Variants in DNAH10 observed in about 807,000 individuals in gnomAD.
The protein encoded by DNAH10 is axonemal beta dynein heavy chain 10.
In DNAH10, 348 loss-of-function variants were observed where a neutral mutation model predicts 506.6. The ratio of observed to expected loss-of-function variants is 0.69; its 90% CI spans 0.63 to 0.75. The LOEUF is 0.75. DNAH10 is among the 30% of genes least tolerant of loss of function. The pLI is 0.00. For missense variants in DNAH10, 5,179 were observed against 5,787.1 expected (o/e 0.89, Z 3.41); for synonymous variants, 2,059 against 2,198.6 (o/e 0.94, Z 1.78).
Position 123,844,140 on chromosome 12 carries a change from A to G in DNAH10, c.5361-1460A>G, listed in dbSNP as rs186479097. On this transcript the variant is annotated intron_variant, in intron 30 of 78. Coordinates refer to ENST00000673944, the MANE Select transcript of DNAH10 (RefSeq NM_001372106.1). ...TACCTTTTTCACAAGGTGGCGGGAAAGAGAGAGAGAGAAGGAGGAACTAAC... is the reference window on the plus strand; with the variant it reads ...TACCTTTTTCACAAGGTGGCGGGAAGGAGAGAGAGAGAAGGAGGAACTAAC... Among the ~76,000 whole-genome samples the G allele has an allele frequency of 6.2e-4, 89 of 144,608 alleles. 2 individuals carry two copies. The highest frequency in any genetic ancestry group is 4.8e-3 in the Admixed American group (72 of 14,932). The allele number at this position is 144,608 out of a possible 152,430, so 94.9% of individuals were successfully genotyped here. A position where few individuals can be genotyped will look rare whatever the true frequency, so the allele number is the denominator to read the frequency against.
rs1008355679 is a variant in DNAH10, at chr12:123,780,091, A to G, written c.622-989A>G. On this transcript the variant is annotated intron_variant, in intron 5 of 78. Coordinates refer to ENST00000673944, the MANE Select transcript of DNAH10 (RefSeq NM_001372106.1). ...TCAAGAACAAGATGGTCCTGAGCTG[A>G]TGGTTTAACACAGTTTCTTACCTCC... Among the ~76,000 whole-genome samples, 17 of 66,602 alleles carry G rather than the reference A, an allele frequency of 2.6e-4. No individual in the cohort carries two copies. The East Asian group carries it at 0.089, about 350-fold the overall frequency. 43.7% of individuals were successfully genotyped at this position (66,602 alleles called of 152,430 possible).
At position 123,925,164 on chromosome 12, in the gene DNAH10, C is replaced by T. The variant is rs1405250598; in HGVS notation, c.11881C>T (p.Arg3961Trp). 12 of 1,613,810 alleles carry T rather than the reference C, an allele frequency of 7.4e-6. No individual in the cohort carries two copies. The East Asian group carries it at 1.1e-4, about 15-fold the overall frequency. ...LRCFRVDRVY[R>W]AVTDYVTVTM... ...CTGTTTCCGTGTGGATCGGGTCTAT[C>T]GGGCCGTGACTGACTATGTGACTGT... The change falls in exon 68 of 79, where the codon CGG (arginine) becomes TGG (tryptophan). Residue 3961 changes from arginine to tryptophan, a missense_variant. By Grantham distance (101) the Arg-to-Trp change is moderately radical. Around this residue, in one of 3 missense-constraint regions of DNAH10, gnomAD observed 4,844 missense variants for 5,430.5 expected, o/e 0.89. Transcript: ENST00000673944. The surrounding 1 kb of genome is among the most constrained non-coding windows in gnomAD (Gnocchi z 4.0).
At chr12:123,867,339 C>G in intron 41 of DNAH10, 128 bp from the exon 42 acceptor site, 1 of 1,047,462 alleles carries the variant, frequency 9.5e-7, no homozygotes, top group East Asian at 2.6e-5. Context: ...TCAGGATTTC[C>G]TCACCTGCCA....
Position 123,767,628 on chromosome 12 carries a change from A to T in DNAH10, c.237A>T (p.Glu79Asp), listed in dbSNP as rs1303021896. 5 of 1,612,688 alleles carry T rather than the reference A, an allele frequency of 3.1e-6. No homozygotes were observed. Among genetic ancestry groups the T allele is most frequent in the Non-Finnish European group, 3.4e-6 (4 of 1,179,366 alleles). The change falls in exon 2 of 79, where the codon GAA becomes GAT. Residue 79 changes from glutamate (E) to aspartate (D), a missense_variant. Physicochemically the swap from Glu to Asp is conservative, Grantham distance 45. This residue lies in a region of DNAH10 where 326 missense variants were observed against 330.8 expected (regional missense o/e 0.99). Coordinates refer to ENST00000673944, the MANE Select transcript of DNAH10 (RefSeq NM_001372106.1). ...AAGATGAGATACCTGTCCTGTCTGA[A>T]GAGGGAGAAGAGGAAGAAGAGACTT... Reference protein sequence around the residue: ...VEIDEIPVLSEEGEEEEETYS... With the variant: ...VEIDEIPVLSDEGEEEEETYS...
At chr12:123,871,204 A>AT (rs376214202) in intron 44 of DNAH10, among the ~76,000 whole-genome samples, 4 of 152,222 alleles carry the variant, frequency 2.6e-5, no homozygotes, top group African/African-American at 9.6e-5. Flanking sequence ...ATATCCTGGC[A>AT]TAAGTCAGAA....
Position 123,903,193 on chromosome 12 carries a change from G to A in DNAH10, c.9815+80G>A, listed in dbSNP as rs1953611135. 5 of 1,466,160 alleles carry A rather than the reference G, an allele frequency of 3.4e-6. No individual in the cohort carries two copies. The highest frequency in any genetic ancestry group is 1.8e-4 in the Middle Eastern group (1 of 5,456). 90.8% of individuals were successfully genotyped at this position (1,466,160 alleles called of 1,614,324 possible). The stretch of plus-strand genomic sequence containing the variant: ...GTCTCCATGATCGTGGCAACCAGGA[G>A]CTTACAAAGGAGCCGATGCCACATG... On this transcript the variant is annotated intron_variant, in intron 57 of 78. Coordinates refer to ENST00000673944, the MANE Select transcript of DNAH10 (RefSeq NM_001372106.1). This position sits in a 1 kb window ranked among gnomAD's most constrained non-coding sequence, Gnocchi z 4.6.
intron 16 of DNAH10, among the ~76,000 whole-genome samples, chr12:123,803,285 T>C (rs1042822214): frequency 6.6e-6 from 1 of 152,206 alleles, no homozygotes; most frequent in Non-Finnish European, 1.5e-5. Flanking sequence ...TTACTGTTCA[T>C]GTTCTTGCTG....
chr12:123,781,008 C>A, intron 5 of DNAH10, 72 bp from the exon 6 acceptor site: 9 of 1,134,164 alleles, frequency 7.9e-6, no homozygotes, highest in South Asian at 5.5e-5. Flanking sequence ...TATTCAAAAC[C>A]AGAGGCAATT....
chr12:123,932,480 ATTTT>A (rs11372935), intron 76 of DNAH10: 21 of 153,414 alleles, frequency 1.4e-4, no homozygotes, highest in Middle Eastern at 2.9e-3. Flanking sequence ...GGTGGTTACC[ATTTT>A]TTTTTTTTTT....
rs201523189 is a variant in DNAH10 at position 123,918,699 on chromosome 12, G to A, written c.11256G>A (p.Ala3752=). 30 of 1,563,672 alleles carry A rather than the reference G, an allele frequency of 1.9e-5. No homozygotes were observed. The highest frequency in any genetic ancestry group is 6.8e-5 in the African/African-American group (5 of 73,582). Reference sequence around the variant, plus strand: ...AGGTCTCAGAGAAACTCAAGCTGGCGGAGAAGACAGCCTTGGACATCGACA... The same window carrying A: ...AGGTCTCAGAGAAACTCAAGCTGGCAGAGAAGACAGCCTTGGACATCGACA... ...ATEVSEKLKL[A]EKTALDIDRL... Residue 3752 remains alanine (A), a synonymous_variant, in exon 65 of 79, where the codon GCG becomes GCA. Transcript: ENST00000673944.
intron 28 of DNAH10, 111 bp from the exon 29 acceptor site, chr12:123,838,345 T>G (rs1189071428): frequency 4.4e-6 from 4 of 899,018 alleles, no homozygotes; most frequent in African/African-American, 1.7e-5. Context: ...AGCTTGTCAG[T>G]TTTGTCTCGG....
At position 123,914,483 on chromosome 12, in the gene DNAH10, C is replaced by G; in HGVS notation, c.10507C>G (p.Arg3503Gly). 6.2e-7 allele frequency: 1 copy of G among 1,613,748 alleles called. No individual in the cohort carries two copies. The change falls in exon 61 of 79, where the codon CGG (arginine) becomes GGG (glycine). Residue 3503 changes from arginine (R) to glycine (G), a missense_variant. By Grantham distance (125) the Arg-to-Gly change is moderately radical. Coordinates refer to ENST00000673944, the MANE Select transcript of DNAH10 (RefSeq NM_001372106.1). The part of the protein sequence containing the change: ...NRIWQNDILE[R>G]EIPLSQPFRL... ...GATTTGGCAAAATGACATCCTGGAGCGGGAGATCCCCCTGAGCCAGCCTTT... is the reference window on the plus strand; with the variant it reads ...GATTTGGCAAAATGACATCCTGGAGGGGGAGATCCCCCTGAGCCAGCCTTT...
rs747231749 is a variant in DNAH10, at chr12:123,909,542, G to T, written c.9997+100G>T. 68 of 1,401,510 alleles carry T rather than the reference G, an allele frequency of 4.9e-5. No homozygotes were observed. The highest frequency in any genetic ancestry group is 6.5e-5 in the Non-Finnish European group (68 of 1,053,066). The allele number at this position is 1,401,510 out of a possible 1,614,324, so 86.8% of individuals were successfully genotyped here. A position where few individuals can be genotyped will look rare whatever the true frequency, so the allele number is the denominator to read the frequency against. On this transcript the variant is annotated intron_variant, in intron 58 of 78. Coordinates refer to ENST00000673944, the MANE Select transcript of DNAH10 (RefSeq NM_001372106.1). This position sits in a 1 kb window ranked among gnomAD's most constrained non-coding sequence, Gnocchi z 5.4. ...GGGCAAGGAGGCTTGTCGTGGGCAG[G>T]CCCTCCCCTTCTGGTCAGATGGTAT...
chr12:123,879,754 A>G lies in DNAH10; in HGVS notation c.8587A>G (p.Ile2863Val), dbSNP rs1178615452. 3 of 1,614,046 alleles carry G rather than the reference A, an allele frequency of 1.9e-6. No homozygotes were observed. Among genetic ancestry groups the G allele is most frequent in the South Asian group, 1.1e-5 (1 of 91,086 alleles). The stretch of plus-strand genomic sequence containing the variant: ...GGCTCTGCACGAAGGAGAACCACGC[A>G]TTTATGAAGACATCCAGGACTACGA... ...QMALHEGEPRIYEDIQDYEAA... is the reference protein window; with the variant it reads ...QMALHEGEPRVYEDIQDYEAA... The change falls in exon 50 of 79, where the codon ATT becomes GTT. Residue 2863 changes from isoleucine (I) to valine (V), a missense_variant. This residue lies in a region of DNAH10 where 4,844 missense variants were observed against 5,430.5 expected (regional missense o/e 0.89). Coordinates refer to ENST00000673944, the MANE Select transcript of DNAH10 (RefSeq NM_001372106.1).
At chr12:123,806,129 T>G (rs999143912) in intron 18 of DNAH10, among the ~76,000 whole-genome samples, 1 of 152,168 alleles carries the variant, frequency 6.6e-6, no homozygotes, top group Non-Finnish European at 1.5e-5. Flanking sequence ...CTTGTTTGGT[T>G]TTTAAGTGAT....
chr12:123,931,338 C>T lies in DNAH10; in HGVS notation c.12785-3C>T, dbSNP rs770643937. ...CCACCTCCGTTGTTCTCTGTGATTG[C>T]AGAAGCCATCGAGGCCCTCCCGCTT... On this transcript the variant is annotated splice_polypyrimidine_tract_variant and splice_region_variant and intron_variant, in intron 73 of 78. Coordinates refer to ENST00000673944, the MANE Select transcript of DNAH10 (RefSeq NM_001372106.1). 4 of 1,613,234 alleles carry T rather than the reference C, an allele frequency of 2.5e-6. No individual in the cohort carries two copies. The African/African-American group carries it at 5.3e-5, about 22-fold the overall frequency.
chr12:123,909,542 G>A lies in DNAH10; in HGVS notation c.9997+100G>A, dbSNP rs747231749. ...GGGCAAGGAGGCTTGTCGTGGGCAG[G>A]CCCTCCCCTTCTGGTCAGATGGTAT... is the stretch of plus-strand genomic sequence containing the variant. On this transcript the variant is annotated intron_variant, in intron 58 of 78. Transcript: ENST00000673944. The surrounding 1 kb of genome is among the most constrained non-coding windows in gnomAD (Gnocchi z 5.4). 5.0e-6 allele frequency: 7 copies of A among 1,401,512 alleles called. No individual in the cohort carries two copies. The highest frequency in any genetic ancestry group is 6.6e-6 in the Non-Finnish European group (7 of 1,053,068). 86.8% of individuals were successfully genotyped at this position (1,401,512 alleles called of 1,614,324 possible). A position where few individuals can be genotyped will look rare whatever the true frequency, so the allele number is the denominator to read the frequency against.
chr12:123,799,419 G>T, intron 14 of DNAH10, 48 bp downstream of exon 14: 3 of 1,574,018 alleles, frequency 1.9e-6, no homozygotes, highest in Non-Finnish European at 2.6e-6. Flanking sequence ...AGACGATGGC[G>T]TCTGCCACAT....
Position 123,928,551 on chromosome 12 carries a change from G to GAA in DNAH10, c.12270_12271insAA (p.Gly4091LysfsTer12). The GAA allele has an allele frequency of 6.2e-7, 1 of 1,609,472 alleles. No homozygotes were observed. The highest frequency in any genetic ancestry group is 1.1e-5 in the South Asian group (1 of 90,002). Reference sequence around the variant, plus strand: ...TGTGGCTCACCACGGACCCCACCAAGGGCTTCCCCATTGGGATTCTGCAGA... The same window carrying GAA: ...TGTGGCTCACCACGGACCCCACCAAGAAGGCTTCCCCATTGGGATTCTGCAGA... On this transcript the variant is annotated frameshift_variant, in exon 70 of 79. Transcript: ENST00000673944. LOFTEE classifies it high-confidence loss of function. This position sits in a 1 kb window ranked among gnomAD's most constrained non-coding sequence, Gnocchi z 4.9.
Sources: gnomAD v4.1 joint callset for allele counts (sites outside exome capture counted in the v4.1 genomes callset) on GRCh38, gnomAD v4.1.1 for gene constraint, gnomAD v4.1.1 regional missense constraint, Gnocchi (gnomAD v3.1) non-coding constraint, MANE v1.5 for transcripts, NCBI Gene and HGNC (gene_info 2026-07-23, HGNC 2026-07-21) for gene names.